Variants in VPS13A observed in about 807,000 individuals in gnomAD.
The protein encoded by VPS13A is intermembrane lipid transfer protein VPS13A.
In VPS13A, 264 loss-of-function variants were observed where a neutral mutation model predicts 390.9. That is an observed-to-expected ratio of 0.68 (90% CI 0.61 to 0.75). The LOEUF (loss-of-function observed/expected upper bound fraction) is 0.75. Ranked by LOEUF, VPS13A falls within the 30% of genes least tolerant of loss-of-function variation. VPS13A has a pLI of 0.00. For synonymous variants in VPS13A, 1,231 were observed against 1,227.1 expected, an observed-to-expected ratio of 1.00 and a Z score of -0.07; for missense variants, 3,409 against 3,733.9, an observed-to-expected ratio of 0.91 and a Z score of 2.27.
chr9:77,348,025 G>C (rs537464629), intron 52 of VPS13A, among the ~76,000 whole-genome samples: 2 of 152,260 alleles, frequency 1.3e-5, no homozygotes, highest in Non-Finnish European at 2.9e-5. Context: ...ACTGTTGCTG[G>C]AAGTGTTAAT....
chr9:77,247,775 C>G (rs1824905172), intron 20 of VPS13A, among the ~76,000 whole-genome samples: 1 of 152,156 alleles, frequency 6.6e-6, no homozygotes, highest in Non-Finnish European at 1.5e-5. Flanking sequence ...ATTCTCAGGC[C>G]TCAGCCTCCT....
intron 67 of VPS13A, among the ~76,000 whole-genome samples, chr9:77,372,229 T>C (rs1169276106): frequency 1.3e-5 from 2 of 151,878 alleles, no homozygotes; most frequent in African/African-American, 4.8e-5. Flanking sequence ...ATCGCCACAC[T>C]GACTTCCACA....
At chr9:77,324,436 T>A (rs1414483791) in intron 45 of VPS13A, among the ~76,000 whole-genome samples, 1 of 152,184 alleles carries the variant, frequency 6.6e-6, no homozygotes, top group Non-Finnish European at 1.5e-5. Flanking sequence ...ATTCCTAGTG[T>A]GCTGAGAGTT....
chr9:77,241,491 G>A (rs1332336457), intron 19 of VPS13A, among the ~76,000 whole-genome samples: 2 of 146,340 alleles, frequency 1.4e-5, no homozygotes, highest in Admixed American at 1.4e-4. Flanking sequence ...TGTCTCACCA[G>A]TTAATTCTCT....
intron 31 of VPS13A, among the ~76,000 whole-genome samples, chr9:77,285,220 GA>G (rs1233352275): frequency 2.0e-5 from 3 of 152,082 alleles, no homozygotes; most frequent in African/African-American, 7.2e-5. Context: ...TTGCCCTTAT[GA>G]AATCAGACCT....
chr9:77,177,669 A>T lies in VPS13A; in HGVS notation c.-36A>T. The stretch of plus-strand genomic sequence containing the variant: ...GGGAAGGCGGCGGGAGGAGGAGCGC[A>T]CGGGCCGGCTGCCGTGCCCACCACG... On this transcript the variant is annotated 5_prime_UTR_variant, in exon 1 of 72. Coordinates refer to ENST00000360280, the MANE Select transcript of VPS13A (RefSeq NM_033305.3). 1 of 1,592,182 alleles carries T rather than the reference A, an allele frequency of 6.3e-7. No individual in the cohort carries two copies. The highest frequency in any genetic ancestry group is 8.6e-7 in the Non-Finnish European group (1 of 1,163,316).
intron 26 of VPS13A, chr9:77,279,750 G>A: frequency 1.1e-5 from 2 of 185,384 alleles, no homozygotes; most frequent in South Asian, 2.3e-4. Context: ...CTCATTCCCG[G>A]TCTGTCTTCT....
chr9:77,256,332 C>T (rs1237202783), intron 22 of VPS13A, among the ~76,000 whole-genome samples: 1 of 152,138 alleles, frequency 6.6e-6, no homozygotes, highest in Non-Finnish European at 1.5e-5. Flanking sequence ...ATTCTAGACT[C>T]ATTTCATCAT....
chr9:77,368,232 A>C, intron 62 of VPS13A, 96 bp downstream of exon 62: 11 of 959,058 alleles, frequency 1.1e-5, no homozygotes, highest in Non-Finnish European at 1.8e-5. Context: ...TTGAGGAACT[A>C]AATAGCCATT....
chr9:77,343,021 A>C (rs1241187514), intron 50 of VPS13A, among the ~76,000 whole-genome samples: 1 of 152,150 alleles, frequency 6.6e-6, no homozygotes, highest in Non-Finnish European at 1.5e-5. Context: ...AAGTGTCTTC[A>C]CTTTTTGTGA....
rs765834675 is a variant in VPS13A, at chr9:77,420,552, T to A, written c.*4546T>A. The A allele has an allele frequency of 2.6e-5, 4 of 152,170 alleles. No homozygotes were observed. In the East Asian group the frequency reaches 7.7e-4, roughly 29 times the overall value. 9.4% of individuals were successfully genotyped at this position (152,170 alleles called of 1,614,324 possible). ...CTTCAATTTTTTAGGTTGATATGGG[T>A]ATATTTTTAAAGTTTTTATTACTTT... On this transcript the variant is annotated 3_prime_UTR_variant, in exon 72 of 72. Transcript: ENST00000360280.
chr9:77,312,327 A>C (rs907298037), intron 35 of VPS13A, among the ~76,000 whole-genome samples: 2 of 152,186 alleles, frequency 1.3e-5, no homozygotes, highest in African/African-American at 4.8e-5. Flanking sequence ...AATTAATAGC[A>C]ACTTTTTAAA....
intron 68 of VPS13A, chr9:77,384,614 G>T: frequency 6.2e-7 from 1 of 1,610,738 alleles, no homozygotes; most frequent in South Asian, 1.1e-5. Flanking sequence ...AGTGGATTAT[G>T]ACTCACAGTA....
intron 61 of VPS13A, 36 bp from the exon 62 acceptor site, chr9:77,368,019 A>G: frequency 1.3e-6 from 2 of 1,551,994 alleles, no homozygotes; most frequent in Non-Finnish European, 1.8e-6. Flanking sequence ...TTCTTCATAC[A>G]CATGTACAGA....
intron 63 of VPS13A, 67 bp downstream of exon 63, chr9:77,369,479 A>G (rs1287150927): frequency 4.6e-6 from 5 of 1,079,454 alleles, no homozygotes; most frequent in East Asian, 2.4e-5. Context: ...ATACTTTTCT[A>G]TTGTTAAGTT....
chr9:77,367,579 A>T (rs1053094400), intron 61 of VPS13A, among the ~76,000 whole-genome samples: 1 of 152,226 alleles, frequency 6.6e-6, no homozygotes, highest in Non-Finnish European at 1.5e-5. Context: ...TATCAGGTAT[A>T]TGCTATGGAT....
At chr9:77,245,924 A>AGTTG (rs1289115248) in intron 19 of VPS13A, among the ~76,000 whole-genome samples, 2 of 152,206 alleles carry the variant, frequency 1.3e-5, no homozygotes, top group Non-Finnish European at 2.9e-5. Context: ...TGGCAGAAAG[A>AGTTG]GTTGGGGAGC....
chr9:77,220,633 G>A (rs1473794035), intron 12 of VPS13A, among the ~76,000 whole-genome samples: 2 of 152,002 alleles, frequency 1.3e-5, no homozygotes, highest in South Asian at 2.1e-4. Flanking sequence ...TACTATGGAC[G>A]GGTCAGTATA....
intron 34 of VPS13A, among the ~76,000 whole-genome samples, chr9:77,306,442 G>GTGTGTGTA (rs1163448044): frequency 3.3e-5 from 5 of 150,926 alleles, no homozygotes; most frequent in African/African-American, 1.2e-4. Flanking sequence ...GTGTGTGTGT[G>GTGTGTGTA]TGTGTGTAAA....
Sources: allele counts gnomAD v4.1 joint callset (sites outside exome capture counted in the v4.1 genomes callset), GRCh38; gene constraint gnomAD v4.1.1; transcripts MANE v1.5; gene names NCBI Gene and HGNC (gene_info 2026-07-23, HGNC 2026-07-21).